Variants in PDE11A observed in about 807,000 individuals in gnomAD.
PDE11A encodes dual 3',5'-cyclic-AMP and -GMP phosphodiesterase 11A.
In PDE11A, 100 loss-of-function variants were observed where a neutral mutation model predicts 100.5. The observed-to-expected ratio is 1.00, with a 90% CI of 0.85 to 1.18. PDE11A has a LOEUF of 1.18. PDE11A is among the 50% of genes most tolerant of loss of function. The pLI, the probability that PDE11A is intolerant of heterozygous loss-of-function variation, is 0.00. For missense variants in PDE11A, 1,141 were observed against 1,152.6 expected (o/e 0.99, Z 0.15); for synonymous variants, 381 against 420.8 (o/e 0.91, Z 1.16).
chr2:177,676,592 A>G (rs2080778302), intron 16 of PDE11A, among the ~76,000 whole-genome samples: 1 of 152,244 alleles, frequency 6.6e-6, no homozygotes, highest in Non-Finnish European at 1.5e-5. Context: ...ACAATAGGTC[A>G]TTCAAGGCAC....
chr2:177,858,917 T>C (rs2083892498), intron 5 of PDE11A, among the ~76,000 whole-genome samples: 1 of 151,920 alleles, frequency 6.6e-6, no homozygotes, highest in Non-Finnish European at 1.5e-5. Context: ...TATGCAGCCA[T>C]AAAAAAGGAT....
intron 13 of PDE11A, among the ~76,000 whole-genome samples, chr2:177,706,538 C>A (rs1240198729): frequency 6.6e-6 from 1 of 152,138 alleles, no homozygotes; most frequent in Non-Finnish European, 1.5e-5. Context: ...TCATTCTAAT[C>A]AATAAAAAGG....
In PDE11A at chr2:177,625,782, A is replaced by G. The variant is rs1482777287; in HGVS notation, c.*3625T>C. 2 of 152,514 alleles carry G rather than the reference A, an allele frequency of 1.3e-5. No homozygotes were observed. Among genetic ancestry groups the G allele is most frequent in the Non-Finnish European group, 2.9e-5 (2 of 68,042 alleles). 9.4% of individuals were successfully genotyped at this position (152,514 alleles called of 1,614,324 possible). On this transcript the variant is annotated 3_prime_UTR_variant, in exon 20 of 20. Transcript: ENST00000286063. Reference sequence around the variant, plus strand: ...ACTGCATATGCCTCACATTCTTGCAAAATTATAAATTGTTTAGAAAAGGGA... The same window carrying G: ...ACTGCATATGCCTCACATTCTTGCAGAATTATAAATTGTTTAGAAAAGGGA...
intron 1 of PDE11A, among the ~76,000 whole-genome samples, chr2:178,054,617 T>C (rs1054437668): frequency 6.6e-6 from 1 of 152,060 alleles, no homozygotes; most frequent in Non-Finnish European, 1.5e-5. Flanking sequence ...AGGGCTAATA[T>C]CCAGAATCTA....
chr2:177,781,105 T>C (rs1395274034), intron 9 of PDE11A, among the ~76,000 whole-genome samples: 1 of 152,202 alleles, frequency 6.6e-6, no homozygotes, highest in African/African-American at 2.4e-5. Context: ...AACTCTTCCT[T>C]TCACTGGAAC....
At chr2:177,831,004 C>T (rs929196979) in intron 6 of PDE11A, among the ~76,000 whole-genome samples, 2 of 152,304 alleles carry the variant, frequency 1.3e-5, no homozygotes, top group Non-Finnish European at 2.9e-5. Flanking sequence ...ATTTTTCCAC[C>T]CATAAGCCAA....
chr2:177,675,905 T>C (rs2105497861), intron 16 of PDE11A: 1 of 338,328 alleles, frequency 3.0e-6, no homozygotes, highest in South Asian at 2.5e-5. Flanking sequence ...ACATGGCTGA[T>C]GAAACTACTT....
At chr2:177,774,545 G>A (rs554640141) in intron 9 of PDE11A, among the ~76,000 whole-genome samples, 1 of 152,080 alleles carries the variant, frequency 6.6e-6, no homozygotes, top group Non-Finnish European at 1.5e-5. Flanking sequence ...TGCTCTTTAT[G>A]TTTTCTTTTT....
At chr2:177,750,266 T>C (rs1382410901) in intron 10 of PDE11A, among the ~76,000 whole-genome samples, 1 of 152,164 alleles carries the variant, frequency 6.6e-6, no homozygotes, top group African/African-American at 2.4e-5. Context: ...AATTTATAAC[T>C]CAAAACAGCA....
At chr2:177,661,570 C>T (rs77222272) in intron 19 of PDE11A, among the ~76,000 whole-genome samples, 2,080 of 152,180 alleles carry the variant, frequency 0.014, 37 homozygotes, top group African/African-American at 0.048. Context: ...AAATAGGACC[C>T]TCAGAGAGGA....
intron 4 of PDE11A, among the ~76,000 whole-genome samples, chr2:177,888,150 G>A (rs896761306): frequency 2.0e-5 from 3 of 152,170 alleles, no homozygotes; most frequent in Non-Finnish European, 4.4e-5. Flanking sequence ...TTGCTAAGCT[G>A]CTATTAAAAT....
chr2:178,083,902 G>A (rs2087317074), intron 2 of PDE11A, among the ~76,000 whole-genome samples: 2 of 151,964 alleles, frequency 1.3e-5, no homozygotes, highest in African/African-American at 4.8e-5. Flanking sequence ...AAATTTAAAC[G>A]TAAGATTATA....
intron 12 of PDE11A, among the ~76,000 whole-genome samples, chr2:177,722,093 C>T (rs752068616): frequency 2.6e-5 from 4 of 152,104 alleles, no homozygotes; most frequent in Admixed American, 1.3e-4. Flanking sequence ...ACAGATTAAG[C>T]AGTTTACCAA....
intron 1 of PDE11A, among the ~76,000 whole-genome samples, chr2:178,047,643 G>A (rs1281845745): frequency 4.6e-5 from 7 of 152,098 alleles, no homozygotes; most frequent in Non-Finnish European, 7.4e-5. Flanking sequence ...GAGCAGCCAC[G>A]AGTCACACTA....
rs765713190 is a variant in PDE11A at position 177,817,920 on chromosome 2, C to T, written c.1582G>A (p.Ala528Thr). The change falls in exon 8 of 20, where the codon GCT (alanine) becomes ACT (threonine). Residue 528 changes from alanine to threonine, a missense_variant. Ala to Thr is a moderately conservative substitution (Grantham distance 58). Coordinates refer to ENST00000286063, the MANE Select transcript of PDE11A (RefSeq NM_016953.4). ...WNSNHQIIGV[A>T]QVLNRLDGKP... ...CCATCAAGTCTGTTTAACACTTGAG[C>T]CACTCCTATGGGGAAAGAGTGGATT... 11 of 1,478,914 alleles carry T rather than the reference C, an allele frequency of 7.4e-6. No individual in the cohort carries two copies. The South Asian group carries it at 1.2e-4, about 17-fold the overall frequency. The allele number at this position is 1,478,914 out of a possible 1,614,324, so 91.6% of individuals were successfully genotyped here.
intron 19 of PDE11A, among the ~76,000 whole-genome samples, chr2:177,638,267 G>T (rs2080082472): frequency 6.6e-6 from 1 of 151,892 alleles, no homozygotes; most frequent in Non-Finnish European, 1.5e-5. Flanking sequence ...CCAAAGTGCT[G>T]GGATTATAGG....
chr2:178,100,591 T>C (rs2087549184), intron 2 of PDE11A, among the ~76,000 whole-genome samples: 1 of 152,216 alleles, frequency 6.6e-6, no homozygotes, highest in Non-Finnish European at 1.5e-5. Context: ...ATTAACATAG[T>C]AAGCTACTTA....
At chr2:177,772,172 CT>C (rs1028334192) in intron 9 of PDE11A, among the ~76,000 whole-genome samples, 1 of 151,486 alleles carries the variant, frequency 6.6e-6, no homozygotes. Flanking sequence ...CCTTTTTTAT[CT>C]TTGGGAGGGG....
chr2:177,666,811 T>C (rs977079738), intron 18 of PDE11A, among the ~76,000 whole-genome samples: 3 of 152,044 alleles, frequency 2.0e-5, no homozygotes, highest in Non-Finnish European at 4.4e-5. Flanking sequence ...ATAAAAGATA[T>C]ATGATTTGCA....
Sources: allele counts gnomAD v4.1 joint callset (sites outside exome capture counted in the v4.1 genomes callset), GRCh38; gene constraint gnomAD v4.1.1; transcripts MANE v1.5; gene names NCBI Gene and HGNC (gene_info 2026-07-23, HGNC 2026-07-21).